Variants in USP9X observed in about 807,000 individuals in gnomAD.
USP9X encodes the protein ubiquitin carboxyl-terminal hydrolase 9X.
Under a neutral mutation model 190.3 loss-of-function variants are expected in USP9X, and 7 were observed. The ratio of observed to expected loss-of-function variants is 0.04; its 90% confidence interval spans 0.02 to 0.07. The LOEUF is 0.07. Among genes scored for constraint, USP9X ranks in the 10% least tolerant of loss-of-function variants. The pLI is 1.00. For missense variants in USP9X, 1,010 were observed against 1,916.9 expected, an observed-to-expected ratio of 0.53 and a Z score of 8.83; for synonymous variants, 645 against 659.5, an observed-to-expected ratio of 0.98 and a Z score of 0.34.
chrX:41,195,437 G>A (rs1196114584), intron 26 of USP9X, among the ~76,000 whole-genome samples: 2 of 110,976 alleles, frequency 1.8e-5, no homozygotes, highest in African/African-American at 6.6e-5. Flanking sequence ...GTCTGCATTG[G>A]AGCCTGAGAG....
intron 1 of USP9X, among the ~76,000 whole-genome samples, chrX:41,120,840 GTTTTT>G (rs772931570): frequency 1.1e-5 from 1 of 90,077 alleles, no homozygotes; most frequent in Non-Finnish European, 2.2e-5. Context: ...CTTTAGTCAA[GTTTTT>G]TTTTTTTTTT....
chrX:41,108,652 C>T lies in USP9X; in HGVS notation c.-158-14819C>T, dbSNP rs188099508. 3.7e-3 allele frequency among the ~76,000 whole-genome samples: 411 copies of T among 111,769 alleles called. 1 individual carries two copies. Among genetic ancestry groups the T allele is most frequent in the Non-Finnish European group, 6.6e-3 (353 of 53,178 alleles). ...TTTCAAATAGTTCACTTTAAGACAA[C>T]TTCAGAACTCTGTTCTTACGGCCTG... On this transcript the variant is annotated intron_variant, in intron 1 of 44. Coordinates refer to ENST00000378308, the MANE Select transcript of USP9X (RefSeq NM_001039591.3).
In USP9X at chrX:41,231,360, C is replaced by T. The variant is rs188383945; in HGVS notation, c.7527+764C>T. ...GAAACATTTCAGGCATTCTTTCTTA[C>T]ATTTCACTGTGTACATAGAAGCAAA... On this transcript the variant is annotated intron_variant, in intron 44 of 44. Coordinates refer to ENST00000378308, the MANE Select transcript of USP9X (RefSeq NM_001039591.3). Among the ~76,000 whole-genome samples the T allele has an allele frequency of 6.2e-5, 7 of 112,103 alleles. No individual in the cohort carries two copies. In the East Asian group the frequency reaches 1.1e-3, roughly 18 times the overall value.
At chrX:41,139,311 G>A (rs1188863780) in intron 6 of USP9X, among the ~76,000 whole-genome samples, 1 of 76,771 alleles carries the variant, frequency 1.3e-5, no homozygotes, top group Admixed American at 1.5e-4. Flanking sequence ...ATTGAAATAC[G>A]TTAATGGGTT....
chrX:41,146,255 CAT>C (rs771619376), intron 11 of USP9X, among the ~76,000 whole-genome samples: 2 of 112,088 alleles, frequency 1.8e-5, no homozygotes, highest in East Asian at 2.8e-4. Flanking sequence ...TTTGGCTTAA[CAT>C]ATGTTTATTG....
intron 21 of USP9X, among the ~76,000 whole-genome samples, chrX:41,172,437 C>T (rs1345928358): frequency 8.9e-6 from 1 of 111,757 alleles, no homozygotes; most frequent in African/African-American, 3.3e-5. Context: ...TAGAAACAAC[C>T]ACTTCCAACT....
At chrX:41,093,494 G>A (rs191739546) in intron 1 of USP9X, among the ~76,000 whole-genome samples, 2 of 111,841 alleles carry the variant, frequency 1.8e-5, no homozygotes, top group East Asian at 2.8e-4. Flanking sequence ...ACAGGCATGC[G>A]CCACCACACC....
In USP9X at chrX:41,197,352, C is replaced by CCCCCCGGGGGGG; in HGVS notation, c.4234-12_4234-11insCCCCCGGGGGGG. Reference sequence around the variant, plus strand: ...TTCTTCCCCCCCCCACCCCACCCCCCGCCTTTGGCAGGATGATGTTAAAAG... The same window carrying CCCCCCGGGGGGG: ...TTCTTCCCCCCCCCACCCCACCCCCCCCCCCGGGGGGGGCCTTTGGCAGGATGATGTTAAAAG... On this transcript the variant is annotated splice_polypyrimidine_tract_variant and intron_variant, in intron 28 of 44. Coordinates refer to ENST00000378308, the MANE Select transcript of USP9X (RefSeq NM_001039591.3). 6 of 988,149 alleles carry CCCCCCGGGGGGG rather than the reference C, an allele frequency of 6.1e-6. No individual in the cohort carries two copies. The highest frequency in any genetic ancestry group is 7.9e-6 in the Non-Finnish European group (6 of 759,323). 81.4% of individuals were successfully genotyped at this position (988,149 alleles called of 1,213,427 possible).
At chrX:41,096,642 G>GT (rs954508329) in intron 1 of USP9X, among the ~76,000 whole-genome samples, 2 of 110,903 alleles carry the variant, frequency 1.8e-5, no homozygotes, top group Non-Finnish European at 3.8e-5. Flanking sequence ...ATTTTACTAT[G>GT]TTGGCCAGGC....
At chrX:41,175,684 G>A (rs2062768041) in intron 21 of USP9X, among the ~76,000 whole-genome samples, 2 of 111,006 alleles carry the variant, frequency 1.8e-5, no homozygotes, top group Admixed American at 9.6e-5. Context: ...CATTGCTATC[G>A]ATGTATTGTT....
chrX:41,197,532 G>A (rs778985565), intron 29 of USP9X, 22 bp downstream of exon 29: 1 of 1,189,699 alleles, frequency 8.4e-7, no homozygotes, highest in South Asian at 1.8e-5. Context: ...GTTCTTGGTT[G>A]TAAGCTACAT....
Position 41,224,966 on chromosome X carries a change from A to G in USP9X, c.6972+4A>G, listed in dbSNP as rs1307262800. On this transcript the variant is annotated splice_donor_region_variant and intron_variant, in intron 40 of 44. Transcript: ENST00000378308. ...CCTCAGTGAACTTCTCTGGCAGGTA[A>G]AAGGAAAATAACATTTGTATGTTTA... 1 of 1,208,938 alleles carries G rather than the reference A, an allele frequency of 8.3e-7. No individual in the cohort carries two copies. The highest frequency in any genetic ancestry group is 1.1e-6 in the Non-Finnish European group (1 of 893,889).
intron 1 of USP9X, among the ~76,000 whole-genome samples, chrX:41,099,561 A>G (rs1294467407): frequency 9.0e-6 from 1 of 111,665 alleles, no homozygotes; most frequent in Non-Finnish European, 1.9e-5. Context: ...ATTTGTGTCT[A>G]GTGTTTAGAA....
At chrX:41,162,171 A>G (rs2062639455) in intron 14 of USP9X, among the ~76,000 whole-genome samples, 1 of 111,849 alleles carries the variant, frequency 8.9e-6, no homozygotes, top group Non-Finnish European at 1.9e-5. Context: ...CTGATTTCCA[A>G]AAGAGCTTAC....
At chrX:41,156,353 G>A (rs1393997990) in intron 14 of USP9X, among the ~76,000 whole-genome samples, 1 of 111,835 alleles carries the variant, frequency 8.9e-6, no homozygotes, top group Non-Finnish European at 1.9e-5. Flanking sequence ...TGCCAGTCTA[G>A]GGCTGTAGTT....
At chrX:41,088,732 G>A (rs2061931406) in intron 1 of USP9X, among the ~76,000 whole-genome samples, 1 of 109,865 alleles carries the variant, frequency 9.1e-6, no homozygotes, top group Non-Finnish European at 1.9e-5. Flanking sequence ...TTCCCCTCTT[G>A]TAGGTATGTT....
intron 7 of USP9X, 24 bp from the exon 8 acceptor site, chrX:41,140,942 A>G: frequency 1.7e-6 from 2 of 1,150,859 alleles, no homozygotes; most frequent in South Asian, 4.3e-5. Flanking sequence ...TATTTACAGG[A>G]GTTTTGTATC....
chrX:41,145,406 C>T (rs2062455716), intron 11 of USP9X, among the ~76,000 whole-genome samples: 1 of 111,815 alleles, frequency 8.9e-6, no homozygotes. Flanking sequence ...GATACGTGTT[C>T]AGCAACACTT....
intron 21 of USP9X, 138 bp from the exon 22 acceptor site, chrX:41,183,860 C>A: frequency 1.4e-6 from 1 of 721,906 alleles, no homozygotes; most frequent in Non-Finnish European, 1.8e-6. Flanking sequence ...CAGGTCTTGT[C>A]ATGTCTTAGG....
Sources: allele counts gnomAD v4.1 joint callset (sites outside exome capture counted in the v4.1 genomes callset), GRCh38; gene constraint gnomAD v4.1.1; transcripts MANE v1.5; gene names NCBI Gene and HGNC (gene_info 2026-07-23, HGNC 2026-07-21).